The following RBFOX1 variants were observed in gnomAD, a reference collection of about 807,000 sequenced individuals.
RBFOX1 encodes the protein RNA binding fox-1 homolog 1.
In RBFOX1, 8 loss-of-function variants were observed where a neutral mutation model predicts 57.7. The observed-to-expected ratio is 0.14, with a 90% CI of 0.08 to 0.25. RBFOX1 has a LOEUF of 0.25. RBFOX1 is among the 10% of genes least tolerant of loss of function. The pLI, the probability that RBFOX1 is intolerant of heterozygous loss-of-function variation, is 1.00. For missense variants in RBFOX1, 611 were observed against 548.5 expected (o/e 1.11, Z -1.14); for synonymous variants, 326 against 222.4 (o/e 1.47, Z -4.15).
At chr16:5,624,644 G>A (rs556341310) in intron 3 of RBFOX1, among the ~76,000 whole-genome samples, 108 of 152,326 alleles carry the variant, frequency 7.1e-4, no homozygotes, top group Middle Eastern at 3.4e-3. Context: ...TCTGGCTAAT[G>A]GATTCCGACT....
chr16:5,304,880 C>A (rs535942002), intron 1 of RBFOX1, among the ~76,000 whole-genome samples: 1 of 152,242 alleles, frequency 6.6e-6, no homozygotes, highest in African/African-American at 2.4e-5. Context: ...ATTTGCATTT[C>A]TCCTATTCCC....
intron 1 of RBFOX1, among the ~76,000 whole-genome samples, chr16:5,354,295 T>G (rs767492918): frequency 1.6e-4 from 24 of 152,164 alleles, no homozygotes; most frequent in Non-Finnish European, 3.2e-4. Context: ...TTGGACCACT[T>G]TTTTTTCTCT....
chr16:5,716,144 G>T (rs1022872560), intron 3 of RBFOX1, among the ~76,000 whole-genome samples: 3 of 152,118 alleles, frequency 2.0e-5, no homozygotes, highest in African/African-American at 7.2e-5. Flanking sequence ...TAAATTTCAC[G>T]TAAACCTTTG....
At chr16:5,700,120 C>G (rs545289489) in intron 3 of RBFOX1, among the ~76,000 whole-genome samples, 3 of 152,188 alleles carry the variant, frequency 2.0e-5, no homozygotes, top group Admixed American at 6.5e-5. Flanking sequence ...GCGTGAGCCA[C>G]CATGCCTGGC....
intron 2 of RBFOX1, among the ~76,000 whole-genome samples, chr16:6,404,832 T>A (rs1048160801): frequency 6.6e-6 from 1 of 152,116 alleles, no homozygotes; most frequent in Non-Finnish European, 1.5e-5. Flanking sequence ...TGGTGCAGAG[T>A]AACTACCAGA....
intron 1 of RBFOX1, among the ~76,000 whole-genome samples, chr16:5,389,859 A>C (rs1294702100): frequency 6.6e-6 from 1 of 151,396 alleles, no homozygotes; most frequent in African/African-American, 2.4e-5. Flanking sequence ...CACCACGACC[A>C]GCTAATTTTT....
intron 2 of RBFOX1, among the ~76,000 whole-genome samples, chr16:5,493,375 A>G (rs1011432527): frequency 6.6e-6 from 1 of 152,120 alleles, no homozygotes; most frequent in African/African-American, 2.4e-5. Flanking sequence ...CCTGATCTTA[A>G]TCTTTAAGAC....
At chr16:6,815,022 A>G (rs1289495850) in intron 3 of RBFOX1, among the ~76,000 whole-genome samples, 1 of 152,182 alleles carries the variant, frequency 6.6e-6, no homozygotes, top group Non-Finnish European at 1.5e-5. Flanking sequence ...CTTCTTGATT[A>G]TATGCTAAAC....
At chr16:5,269,891 A>T (rs1469789378) in intron 1 of RBFOX1, among the ~76,000 whole-genome samples, 2 of 152,220 alleles carry the variant, frequency 1.3e-5, no homozygotes. Flanking sequence ...ATGGTGGCTC[A>T]CACCTGAAAT....
intron 4 of RBFOX1, among the ~76,000 whole-genome samples, chr16:7,264,459 A>C (rs989302272): frequency 6.6e-6 from 1 of 152,192 alleles, no homozygotes; most frequent in Non-Finnish European, 1.5e-5. Context: ...TCACAAAGCT[A>C]AGTCTCTGAG....
chr16:7,176,879 G>T (rs79529162), intron 4 of RBFOX1, among the ~76,000 whole-genome samples: 12,946 of 152,218 alleles, frequency 0.085, 759 homozygotes, highest in Non-Finnish European at 0.12. Flanking sequence ...GCAGGAATGG[G>T]GGGAGAGGAA....
rs151134933 is a variant in RBFOX1, at chr16:7,221,901, A to T, written c.27+169803A>T. On this transcript the variant is annotated intron_variant, in intron 4 of 15. Coordinates refer to ENST00000550418, the MANE Select transcript of RBFOX1 (RefSeq NM_018723.4). ...AATCCACAAGAGCTGACATCTCTTC[A>T]TGTCCAACCACAAAATGGGTAGAAA... 1.8e-3 allele frequency among the ~76,000 whole-genome samples: 281 copies of T among 152,334 alleles called. 1 individual carries two copies. The highest frequency in any genetic ancestry group is 6.4e-3 in the African/African-American group (266 of 41,576).
chr16:6,457,005 T>C (rs1726027575), intron 2 of RBFOX1, among the ~76,000 whole-genome samples: 1 of 152,094 alleles, frequency 6.6e-6, no homozygotes, highest in African/African-American at 2.4e-5. Context: ...GGCAGCTGAG[T>C]ATAAGAATCT....
chr16:6,777,325 T>C (rs2079543895), intron 3 of RBFOX1, among the ~76,000 whole-genome samples: 1 of 152,148 alleles, frequency 6.6e-6, no homozygotes, highest in Admixed American at 6.5e-5. Flanking sequence ...GGTATTTTGC[T>C]CCTATACCTA....
chr16:6,100,968 G>A (rs140121136), intron 1 of RBFOX1, among the ~76,000 whole-genome samples: 4 of 152,188 alleles, frequency 2.6e-5, no homozygotes, highest in East Asian at 1.9e-4. Context: ...TTTCCGTCTC[G>A]AAATTGTCAG....
At chr16:5,874,586 A>C (rs1303575955) in intron 4 of RBFOX1, among the ~76,000 whole-genome samples, 1 of 152,184 alleles carries the variant, frequency 6.6e-6, no homozygotes, top group African/African-American at 2.4e-5. Flanking sequence ...AGATAAATTG[A>C]AACAGGTTAT....
intron 3 of RBFOX1, among the ~76,000 whole-genome samples, chr16:5,802,100 T>C (rs1269866111): frequency 1.3e-5 from 2 of 152,144 alleles, no homozygotes; most frequent in Admixed American, 1.3e-4. Context: ...TAAGCTGTTC[T>C]CTGGAGTAGT....
chr16:7,212,323 C>T (rs1042530811), intron 4 of RBFOX1, among the ~76,000 whole-genome samples: 1 of 152,158 alleles, frequency 6.6e-6, no homozygotes, highest in African/African-American at 2.4e-5. Context: ...TGGGATGGTT[C>T]CCTACCCTCA....
chr16:5,515,591 C>G (rs761724277), intron 2 of RBFOX1, among the ~76,000 whole-genome samples: 1 of 152,204 alleles, frequency 6.6e-6, no homozygotes, highest in African/African-American at 2.4e-5. Flanking sequence ...TCATTACTAC[C>G]TAATGGAAAA....
Sources: allele counts gnomAD v4.1 joint callset (sites outside exome capture counted in the v4.1 genomes callset), GRCh38; gene constraint gnomAD v4.1.1; transcripts MANE v1.5; gene names NCBI Gene and HGNC (gene_info 2026-07-23, HGNC 2026-07-21).